RBM34: variants seen among roughly 807,000 people sequenced by gnomAD.
The protein encoded by RBM34 is RNA binding motif protein 34.
In RBM34, 39 loss-of-function variants were observed where a neutral mutation model predicts 44.6. The observed-to-expected ratio is 0.87, with a 90% confidence interval of 0.68 to 1.14. The LOEUF (loss-of-function observed/expected upper bound fraction) is 1.14. Ranked by LOEUF, RBM34 falls within the 50% of genes most tolerant of loss-of-function variation. The pLI is 0.00. For missense variants in RBM34, 572 were observed against 517.9 expected, an observed-to-expected ratio of 1.10 and a Z score of -1.01; for synonymous variants, 194 against 184.0, an observed-to-expected ratio of 1.05 and a Z score of -0.44.
At chr1:235,152,578 G>C in intron 5 of RBM34, 128 bp downstream of exon 5, 1 of 1,438,678 alleles carries the variant, frequency 7.0e-7, no homozygotes, top group African/African-American at 1.5e-5. Context: ...TCTTTTCTTG[G>C]GTTAAATTTG....
Position 235,131,837 on chromosome 1 carries a change from G to A in RBM34, c.1169C>T (p.Thr390Ile), listed in dbSNP as rs1055441644. The A allele has an allele frequency of 6.2e-7, 1 of 1,614,006 alleles. No homozygotes were observed. Among genetic ancestry groups the A allele is most frequent in the African/African-American group, 1.3e-5 (1 of 74,916 alleles). ...VSKPKQGLNF[T>I]SKTAEGHPKS... ...AGGATGTCCTTCTGCAGTTTTGGAA[G>A]TAAAATTAAGTCCCTGCTTAGGTTT... The change falls in exon 11 of 11, where the codon ACT becomes ATT. Residue 390 changes from threonine (T) to isoleucine (I), a missense_variant. Transcript: ENST00000408888.
intron 3 of RBM34, chr1:235,156,508 G>A (rs1662452040): frequency 5.7e-5 from 21 of 368,888 alleles, no homozygotes; most frequent in South Asian, 4.2e-4. Context: ...TGGCAGCAGA[G>A]TACTTACTCT....
chr1:235,152,356 T>C (rs4660022), intron 5 of RBM34: 201,762 of 438,192 alleles, frequency 0.46, 47,060 homozygotes, highest in South Asian at 0.61. Flanking sequence ...CATACTAATG[T>C]GTATGATGGG....
chr1:235,133,862 T>A (rs925572783), intron 10 of RBM34, among the ~76,000 whole-genome samples: 1 of 151,928 alleles, frequency 6.6e-6, no homozygotes, highest in Non-Finnish European at 1.5e-5. Context: ...GGGATGACAA[T>A]AGATTATTTT....
intron 6 of RBM34, among the ~76,000 whole-genome samples, chr1:235,143,789 CACAAT>C (rs1661787754): frequency 6.6e-6 from 1 of 152,092 alleles, no homozygotes; most frequent in Non-Finnish European, 1.5e-5. Flanking sequence ...TACAACACAA[CACAAT>C]AAACAGGTGA....
intron 6 of RBM34, among the ~76,000 whole-genome samples, chr1:235,141,667 G>C (rs1392565746): frequency 6.6e-6 from 1 of 152,138 alleles, no homozygotes; most frequent in Non-Finnish European, 1.5e-5. Context: ...CTGCTTTTAT[G>C]AGCTGTAACA....
intron 6 of RBM34, among the ~76,000 whole-genome samples, chr1:235,138,570 C>T (rs144374948): frequency 0.011 from 1,724 of 152,256 alleles, 31 homozygotes; most frequent in African/African-American, 0.036. Context: ...AGTGCACAAA[C>T]TACGTATAGC....
chr1:235,134,667 A>C (rs1392794946), intron 10 of RBM34, among the ~76,000 whole-genome samples: 3 of 152,260 alleles, frequency 2.0e-5, no homozygotes, highest in Non-Finnish European at 4.4e-5. Context: ...GTATGAAGAA[A>C]GAACTGGGAC....
rs1300277785 is a variant in RBM34, at chr1:235,131,468, A to T, written c.*245T>A. ...GGTTGCAGTGAGCCAAGATCACGCC[A>T]CTGCACTCCAGCCTGGGAGACAACA... On this transcript the variant is annotated 3_prime_UTR_variant, in exon 11 of 11. Coordinates refer to ENST00000408888, the MANE Select transcript of RBM34 (RefSeq NM_015014.4). The T allele has an allele frequency of 2.5e-6, 1 of 393,606 alleles. No homozygotes were observed. The highest frequency in any genetic ancestry group is 2.0e-5 in the African/African-American group (1 of 48,908). 24.4% of individuals were successfully genotyped at this position (393,606 alleles called of 1,614,324 possible).
At chr1:235,147,950 A>C (rs1661975357) in intron 6 of RBM34, among the ~76,000 whole-genome samples, 1 of 152,090 alleles carries the variant, frequency 6.6e-6, no homozygotes. Flanking sequence ...AACAAAAAAA[A>C]TCCCCTGAGC....
chr1:235,154,112 G>A (rs542254261), intron 4 of RBM34, among the ~76,000 whole-genome samples: 1 of 152,256 alleles, frequency 6.6e-6, no homozygotes, highest in East Asian at 1.9e-4. Context: ...TGGGCGTGGT[G>A]GCGGGCGCTT....
chr1:235,157,416 G>A (rs1662497449), intron 3 of RBM34, among the ~76,000 whole-genome samples: 1 of 152,196 alleles, frequency 6.6e-6, no homozygotes, highest in Non-Finnish European at 1.5e-5. Flanking sequence ...CACTAACTTA[G>A]GCAACTAGAA....
chr1:235,140,249 C>T (rs1209296598), intron 6 of RBM34, among the ~76,000 whole-genome samples: 1 of 152,232 alleles, frequency 6.6e-6, no homozygotes, highest in Non-Finnish European at 1.5e-5. Flanking sequence ...TGGCCAAGGC[C>T]GGAGCCGGCT....
At chr1:235,157,172 T>C (rs1007566258) in intron 3 of RBM34, among the ~76,000 whole-genome samples, 1 of 152,062 alleles carries the variant, frequency 6.6e-6, no homozygotes, top group Admixed American at 6.6e-5. Context: ...AAAAAGATCA[T>C]CTGGGCAGAA....
chr1:235,158,048 GTT>G (rs371080679), intron 3 of RBM34, among the ~76,000 whole-genome samples: 1 of 143,942 alleles, frequency 6.9e-6, no homozygotes, highest in African/African-American at 2.6e-5. Flanking sequence ...AATTACATGG[GTT>G]TTTTTTTTTG....
intron 4 of RBM34, 26 bp downstream of exon 4, chr1:235,154,855 T>C (rs531789817): frequency 1.9e-6 from 3 of 1,568,424 alleles, no homozygotes; most frequent in Admixed American, 1.7e-5. Flanking sequence ...TTAACTTCTC[T>C]GAACTTTTAC....
At chr1:235,150,073 G>A (rs1267770456) in intron 5 of RBM34, among the ~76,000 whole-genome samples, 1 of 151,972 alleles carries the variant, frequency 6.6e-6, no homozygotes, top group Non-Finnish European at 1.5e-5. Context: ...GTTTGGTTTT[G>A]TTTTATTTTG....
chr1:235,131,892 TTTG>T lies in RBM34; in HGVS notation c.1111_1113del (p.Gln371del), dbSNP rs1306621652. 13 of 1,614,026 alleles carry T rather than the reference TTTG, an allele frequency of 8.1e-6. No homozygotes were observed. Among genetic ancestry groups the T allele is most frequent in the African/African-American group, 1.3e-5 (1 of 74,932 alleles). On this transcript the variant is annotated inframe_deletion, in exon 11 of 11. Transcript: ENST00000408888. ...ACATTCTTCAATCGTGGATTTGAATTTTGTTGTTTAAATTTTTCTTTATTAACA... is the reference window on the plus strand; with the variant it reads ...ACATTCTTCAATCGTGGATTTGAATTTTGTTTAAATTTTTCTTTATTAACA...
intron 3 of RBM34, among the ~76,000 whole-genome samples, chr1:235,156,246 C>T (rs1662437556): frequency 1.3e-5 from 2 of 151,736 alleles, no homozygotes; most frequent in South Asian, 2.1e-4. Flanking sequence ...TCAAGCCATT[C>T]GCCCACCTCA....
Sources: gnomAD v4.1 joint callset for allele counts (sites outside exome capture counted in the v4.1 genomes callset) on GRCh38, gnomAD v4.1.1 for gene constraint, MANE v1.5 for transcripts, NCBI Gene and HGNC (gene_info 2026-07-23, HGNC 2026-07-21) for gene names.